Variants in ATP9B observed in about 807,000 individuals in gnomAD.
The protein encoded by ATP9B is probable phospholipid-transporting ATPase IIB.
ATP9B carries 110 observed loss-of-function variants against 146.1 expected under a neutral mutation model. The observed-to-expected ratio is 0.75, with a 90% CI of 0.65 to 0.88. The LOEUF (loss-of-function observed/expected upper bound fraction) is 0.88. Ranked by LOEUF, ATP9B falls within the 40% of genes least tolerant of loss-of-function variation. The pLI, the probability that ATP9B is intolerant of heterozygous loss-of-function variation, is 0.00. For missense variants in ATP9B, 1,499 were observed against 1,496.4 expected, an observed-to-expected ratio of 1.00 and a Z score of -0.03; for synonymous variants, 604 against 569.7, an observed-to-expected ratio of 1.06 and a Z score of -0.86.
chr18:79,085,579 G>A (rs555727633), intron 1 of ATP9B: 1 of 152,308 alleles, frequency 6.6e-6, no homozygotes, highest in Non-Finnish European at 1.5e-5. Context: ...ATATCTGGGT[G>A]AAAATAAGGT....
chr18:79,105,264 C>G (rs2075579013), intron 2 of ATP9B, among the ~76,000 whole-genome samples: 1 of 152,140 alleles, frequency 6.6e-6, no homozygotes, highest in South Asian at 2.1e-4. Flanking sequence ...AAATACCAGG[C>G]ATTATAAAAT....
intron 29 of ATP9B, chr18:79,376,344 G>T (rs1193742414): frequency 1.0e-6 from 1 of 984,664 alleles, no homozygotes; most frequent in East Asian, 1.1e-4. Flanking sequence ...ACAGAGTGTT[G>T]TCCACCCATT....
At chr18:79,080,595 A>G (rs1036186542) in intron 1 of ATP9B, among the ~76,000 whole-genome samples, 2 of 152,140 alleles carry the variant, frequency 1.3e-5, no homozygotes, top group African/African-American at 4.8e-5. Context: ...CTCTTTCCCT[A>G]TTTGAATACC....
intron 4 of ATP9B, among the ~76,000 whole-genome samples, chr18:79,113,682 G>T (rs2094012840): frequency 6.6e-6 from 1 of 152,298 alleles, no homozygotes; most frequent in Non-Finnish European, 1.5e-5. Context: ...TTGGGAATGG[G>T]GGCTGGGGCT....
chr18:79,237,781 G>A lies in ATP9B; in HGVS notation c.1108-15600G>A, dbSNP rs569687413. Among the ~76,000 whole-genome samples, 247 of 151,906 alleles carry A rather than the reference G, an allele frequency of 1.6e-3. 1 individual carries two copies. Among genetic ancestry groups the A allele is most frequent in the South Asian group, 4.4e-3 (21 of 4,798 alleles). On this transcript the variant is annotated intron_variant, in intron 11 of 29. Transcript: ENST00000426216. ...TGCTCACTGCAGCCTCAACCTCCTG[G>A]GCCAAAGCCATCCTCACACCTCCGC...
Position 79,289,557 on chromosome 18 carries a change from C to T in ATP9B, c.1411+12361C>T, listed in dbSNP as rs575553635. 1.6e-3 allele frequency among the ~76,000 whole-genome samples: 241 copies of T among 152,244 alleles called. 5 individuals carry two copies. The Middle Eastern group carries it at 0.037, about 24-fold the overall frequency. On this transcript the variant is annotated intron_variant, in intron 13 of 29. Transcript: ENST00000426216. Reference sequence around the variant, plus strand: ...ATTTTTAACTTCTTTGCCTTTGGTTCGAATTTCCTCCTGTAGCTCAGAGTA... The same window carrying T: ...ATTTTTAACTTCTTTGCCTTTGGTTTGAATTTCCTCCTGTAGCTCAGAGTA...
chr18:79,144,581 C>T (rs1294924170), intron 6 of ATP9B, among the ~76,000 whole-genome samples: 1 of 152,184 alleles, frequency 6.6e-6, no homozygotes, highest in Non-Finnish European at 1.5e-5. Context: ...GTCATGCTCG[C>T]TTGCCCTCCC....
chr18:79,134,603 G>A (rs531172856), intron 5 of ATP9B, among the ~76,000 whole-genome samples: 31 of 152,320 alleles, frequency 2.0e-4, no homozygotes, highest in African/African-American at 3.1e-4. Flanking sequence ...ACCAGTTTGC[G>A]TTTCCATTGT....
rs146364465 is a variant in ATP9B at position 79,146,638 on chromosome 18, A to G, written c.726+2778A>G. On this transcript the variant is annotated intron_variant, in intron 6 of 29. Transcript: ENST00000426216. ...AGCTGGCGGTGTGCAGAGTGACTGA[A>G]GGTCCATGCTGCATATCGGGGGAGT... The G allele has an allele frequency of 9.5e-4, 258 of 270,642 alleles. 1 individual carries two copies. Among genetic ancestry groups the G allele is most frequent in the African/African-American group, 5.5e-3 (245 of 44,206 alleles). The allele number at this position is 270,642 out of a possible 1,614,324, so 16.8% of individuals were successfully genotyped here. A position where few individuals can be genotyped will look rare whatever the true frequency, so the allele number is the denominator to read the frequency against.
At chr18:79,356,385 G>A (rs532870310) in intron 25 of ATP9B, among the ~76,000 whole-genome samples, 34 of 152,144 alleles carry the variant, frequency 2.2e-4, no homozygotes, top group African/African-American at 6.5e-4. Flanking sequence ...CATCTCACTC[G>A]GCACTCCTGT....
rs752788043 is a variant in ATP9B, at chr18:79,118,390, GTTTTTTT to G, written c.558+5058_558+5064del. ...AAACACAATCATATTGAACGTTTTT[GTTTTTTT>G]TTTTTTTTTTTTTTTTTTTTTGAGA... On this transcript the variant is annotated intron_variant, in intron 4 of 29. Transcript: ENST00000426216. Among the ~76,000 whole-genome samples the G allele has an allele frequency of 3.3e-4, 31 of 93,278 alleles. No homozygotes were observed. The East Asian group carries it at 3.4e-3, about 10-fold the overall frequency. 61.2% of individuals were successfully genotyped at this position (93,278 alleles called of 152,430 possible).
At chr18:79,335,762 G>A (rs1320696846) in intron 17 of ATP9B, among the ~76,000 whole-genome samples, 1 of 152,244 alleles carries the variant, frequency 6.6e-6, no homozygotes, top group Admixed American at 6.5e-5. Context: ...GTTAAAAATA[G>A]AGCAAGAAGA....
intron 15 of ATP9B, among the ~76,000 whole-genome samples, chr18:79,309,407 CCCAGCAGG>C (rs2096638604): frequency 7.3e-6 from 1 of 137,338 alleles, no homozygotes; most frequent in African/African-American, 2.9e-5. Flanking sequence ...AGGAGTGATC[CCCAGCAGG>C]TAGAAGGTCA....
At chr18:79,361,963 G>A (rs1183686639) in intron 26 of ATP9B, 1 of 238,538 alleles carries the variant, frequency 4.2e-6, no homozygotes, top group African/African-American at 2.3e-5. Context: ...GTGGCATAGA[G>A]CAACAGCATA....
intron 27 of ATP9B, 144 bp from the exon 28 acceptor site, chr18:79,373,754 G>T (rs2148026361): frequency 1.2e-6 from 1 of 806,480 alleles, no homozygotes; most frequent in East Asian, 2.7e-5. Flanking sequence ...CTCCCAAAGT[G>T]CTGGGAAGAC....
At chr18:79,258,869 A>G (rs1042912328) in intron 12 of ATP9B, among the ~76,000 whole-genome samples, 1 of 152,216 alleles carries the variant, frequency 6.6e-6, no homozygotes, top group African/African-American at 2.4e-5. Context: ...AAAGCACAGG[A>G]CACTGATTTG....
intron 14 of ATP9B, among the ~76,000 whole-genome samples, chr18:79,305,008 C>T (rs1334115204): frequency 6.6e-5 from 10 of 151,750 alleles, no homozygotes; most frequent in African/African-American, 2.2e-4. Context: ...CAGCGCTGCA[C>T]GGCACTGCTC....
Position 79,377,317 on chromosome 18 carries a change from G to C in ATP9B, c.3378G>C (p.Pro1126=). 1.2e-5 allele frequency: 19 copies of C among 1,612,062 alleles called. No homozygotes were observed. Among genetic ancestry groups the C allele is most frequent in the Non-Finnish European group, 1.4e-5 (17 of 1,180,008 alleles). The change falls in exon 30 of 30, where the codon CCG becomes CCC. Residue 1126 remains proline (P), a synonymous_variant. Coordinates refer to ENST00000426216, the MANE Select transcript of ATP9B (RefSeq NM_198531.5). ...CGATCACCGTGGTCAGCTGCCTCCC[G>C]CTGTATGTCCTCAAGTACCTGAGGC... ...VSAITVVSCL[P]LYVLKYLRRK...
intron 1 of ATP9B, among the ~76,000 whole-genome samples, chr18:79,070,906 AT>A (rs572773595): frequency 6.6e-6 from 1 of 151,754 alleles, no homozygotes; most frequent in Non-Finnish European, 1.5e-5. Context: ...TGGATCTTAT[AT>A]TTTTTATCAA....
Sources: gnomAD v4.1 joint callset for allele counts (sites outside exome capture counted in the v4.1 genomes callset) on GRCh38, gnomAD v4.1.1 for gene constraint, MANE v1.5 for transcripts, NCBI Gene and HGNC (gene_info 2026-07-23, HGNC 2026-07-21) for gene names.